The following TMPRSS11D variants were observed in gnomAD, a reference collection of about 807,000 sequenced individuals.
TMPRSS11D encodes transmembrane serine protease 11D, also known as transmembrane protease serine 11D.
In TMPRSS11D, 32 loss-of-function variants were observed where a neutral mutation model predicts 44.4. That is an observed-to-expected ratio of 0.72 (90% CI 0.54 to 0.97). The LOEUF (loss-of-function observed/expected upper bound fraction) is 0.97, where lower values mean the gene tolerates loss of function less well. TMPRSS11D is among the 50% of genes least tolerant of loss of function. The pLI, the probability that TMPRSS11D is intolerant of heterozygous loss-of-function variation, is 0.00. For synonymous variants in TMPRSS11D, 179 were observed against 177.9 expected (o/e 1.01, Z -0.05); for missense variants, 446 against 502.6 (o/e 0.89, Z 1.08).
chr4:67,869,313 G>A (rs1303938849), intron 1 of TMPRSS11D, among the ~76,000 whole-genome samples: 2 of 151,618 alleles, frequency 1.3e-5, no homozygotes, highest in Admixed American at 1.3e-4. Flanking sequence ...TAAATCTCTA[G>A]GCATATTTGT....
chr4:67,856,011 C>T (rs556231408), intron 2 of TMPRSS11D, among the ~76,000 whole-genome samples: 24 of 152,136 alleles, frequency 1.6e-4, no homozygotes, highest in Non-Finnish European at 3.1e-4. Context: ...AATGGAAAGA[C>T]ATTCCTTGCT....
intron 6 of TMPRSS11D, among the ~76,000 whole-genome samples, chr4:67,834,584 T>C (rs1216119412): frequency 6.6e-6 from 1 of 152,114 alleles, no homozygotes; most frequent in Non-Finnish European, 1.5e-5. Context: ...TGAGAGTACA[T>C]AGGATGATGT....
chr4:67,865,757 G>T (rs1269361599), intron 1 of TMPRSS11D, among the ~76,000 whole-genome samples: 1 of 151,688 alleles, frequency 6.6e-6, no homozygotes, highest in Non-Finnish European at 1.5e-5. Flanking sequence ...TAACCAGGTA[G>T]AAATCTACCA....
At chr4:67,851,591 A>G (rs1718510558) in intron 3 of TMPRSS11D, among the ~76,000 whole-genome samples, 1 of 152,158 alleles carries the variant, frequency 6.6e-6, no homozygotes. Context: ...GGGATTGTTC[A>G]TCTTGTATCT....
chr4:67,841,910 T>C (rs2109672560), intron 4 of TMPRSS11D, among the ~76,000 whole-genome samples: 1 of 152,316 alleles, frequency 6.6e-6, no homozygotes, highest in Non-Finnish European at 1.5e-5. Context: ...ACCAAAGAAC[T>C]ATTGCATATT....
intron 1 of TMPRSS11D, among the ~76,000 whole-genome samples, chr4:67,868,260 C>A (rs144115524): frequency 6.6e-6 from 1 of 151,880 alleles, no homozygotes; most frequent in African/African-American, 2.4e-5. Context: ...ATAATGTGCA[C>A]GCATGGACAG....
At chr4:67,846,332 A>G (rs1176800117) in intron 3 of TMPRSS11D, among the ~76,000 whole-genome samples, 3 of 152,094 alleles carry the variant, frequency 2.0e-5, no homozygotes, top group Non-Finnish European at 4.4e-5. Context: ...TTATGAAATT[A>G]GAAATTAAAA....
At chr4:67,862,413 T>C (rs1718811822) in intron 1 of TMPRSS11D, among the ~76,000 whole-genome samples, 1 of 152,128 alleles carries the variant, frequency 6.6e-6, no homozygotes, top group Non-Finnish European at 1.5e-5. Flanking sequence ...CTAAGTACAT[T>C]GCTTCACACT....
intron 2 of TMPRSS11D, among the ~76,000 whole-genome samples, chr4:67,858,664 A>G (rs1718716888): frequency 6.6e-6 from 1 of 152,116 alleles, no homozygotes; most frequent in African/African-American, 2.4e-5. Context: ...TAACACTCAC[A>G]CATACCCATG....
intron 1 of TMPRSS11D, among the ~76,000 whole-genome samples, chr4:67,870,896 C>G (rs1043504459): frequency 4.6e-5 from 7 of 151,242 alleles, no homozygotes; most frequent in Admixed American, 1.3e-4. Context: ...TTATAACTTT[C>G]TAATATACCC....
intron 6 of TMPRSS11D, 91 bp from the exon 7 acceptor site, chr4:67,833,472 T>G: frequency 8.3e-7 from 1 of 1,210,150 alleles, no homozygotes. Flanking sequence ...TTATGACTTT[T>G]ATGTCTTATA....
chr4:67,843,872 G>A (rs1261622951), intron 3 of TMPRSS11D, among the ~76,000 whole-genome samples: 2 of 152,182 alleles, frequency 1.3e-5, no homozygotes, highest in Non-Finnish European at 2.9e-5. Context: ...GCAGTGAGCC[G>A]AGATCATGCC....
intron 3 of TMPRSS11D, 37 bp downstream of exon 3, chr4:67,854,031 A>G (rs780555993): frequency 8.4e-7 from 1 of 1,187,712 alleles, no homozygotes. Flanking sequence ...TATTCATTTT[A>G]TAATGGAATA....
At chr4:67,883,853 C>T in intron 1 of TMPRSS11D, 73 bp downstream of exon 1, 1 of 1,324,388 alleles carries the variant, frequency 7.6e-7, no homozygotes, top group Non-Finnish European at 1.0e-6. Context: ...ATTTGCTAAG[C>T]TTCTTTATAT....
intron 1 of TMPRSS11D, among the ~76,000 whole-genome samples, chr4:67,879,564 G>A (rs534011007): frequency 1.3e-5 from 2 of 152,024 alleles, no homozygotes; most frequent in East Asian, 3.9e-4. Flanking sequence ...TTGACCCATG[G>A]GATAAGCAAA....
intron 7 of TMPRSS11D, among the ~76,000 whole-genome samples, chr4:67,829,022 CA>C (rs1360181992): frequency 1.3e-5 from 2 of 152,054 alleles, no homozygotes; most frequent in African/African-American, 4.8e-5. Context: ...TTCCTCTCAT[CA>C]AATAAGGTTA....
At chr4:67,862,533 C>G (rs1215060968) in intron 1 of TMPRSS11D, among the ~76,000 whole-genome samples, 1 of 152,074 alleles carries the variant, frequency 6.6e-6, no homozygotes, top group East Asian at 1.9e-4. Flanking sequence ...ATCTTCAGCC[C>G]AGACCTCTCT....
At chr4:67,833,491 C>T (rs556667530) in intron 6 of TMPRSS11D, 110 bp from the exon 7 acceptor site, 5 of 1,055,336 alleles carry the variant, frequency 4.7e-6, no homozygotes, top group Non-Finnish European at 6.3e-6. Flanking sequence ...TACATTCTTC[C>T]TCAGGACATG....
chr4:67,880,861 G>C (rs906911637), intron 1 of TMPRSS11D, among the ~76,000 whole-genome samples: 1 of 152,148 alleles, frequency 6.6e-6, no homozygotes, highest in Non-Finnish European at 1.5e-5. Flanking sequence ...TGATACGCTT[G>C]TTCAAACCTC....
Sources: gnomAD v4.1 joint callset for allele counts (sites outside exome capture counted in the v4.1 genomes callset) on GRCh38, gnomAD v4.1.1 for gene constraint, MANE v1.5 for transcripts, NCBI Gene and HGNC (gene_info 2026-07-23, HGNC 2026-07-21) for gene names.